The following LNPK variants were observed in gnomAD, a reference collection of about 807,000 sequenced individuals.
The protein encoded by LNPK is lunapark, ER junction formation factor.
A neutral mutation model predicts 55.2 loss-of-function variants in LNPK; 29 were observed. That is an observed-to-expected ratio of 0.53 (90% CI 0.39 to 0.72). LNPK has a LOEUF of 0.72. Ranked by LOEUF, LNPK falls within the 30% of genes least tolerant of loss-of-function variation. The pLI, the probability that LNPK is intolerant of heterozygous loss-of-function variation, is 0.00. For synonymous variants in LNPK, 162 were observed against 168.2 expected, an observed-to-expected ratio of 0.96 and a Z score of 0.29; for missense variants, 467 against 494.8, an observed-to-expected ratio of 0.94 and a Z score of 0.53.
At chr2:175,946,949 A>G (rs912927184) in intron 9 of LNPK, among the ~76,000 whole-genome samples, 1 of 152,138 alleles carries the variant, frequency 6.6e-6, no homozygotes, top group Non-Finnish European at 1.5e-5. Flanking sequence ...AATAAAGAGA[A>G]TATGTTCATT....
chr2:175,972,172 T>TAGATTACAGG, intron 5 of LNPK, among the ~76,000 whole-genome samples: 1 of 152,254 alleles, frequency 6.6e-6, no homozygotes, highest in South Asian at 2.1e-4. Flanking sequence ...TGCCTTGGCC[T>TAGATTACAGG]CCCAAAGTGC....
chr2:175,967,959 A>G (rs993862641), intron 6 of LNPK, among the ~76,000 whole-genome samples: 1 of 152,330 alleles, frequency 6.6e-6, no homozygotes, highest in Non-Finnish European at 1.5e-5. Context: ...AACTTATTTC[A>G]TGGAATATCA....
chr2:175,951,080 C>T (rs78839759), intron 8 of LNPK, among the ~76,000 whole-genome samples: 1,957 of 152,082 alleles, frequency 0.013, 39 homozygotes, highest in African/African-American at 0.044. Flanking sequence ...TACAAATACT[C>T]GTCCCTTAAT....
intron 9 of LNPK, among the ~76,000 whole-genome samples, chr2:175,943,012 T>G (rs1170848067): frequency 6.6e-6 from 1 of 150,836 alleles, no homozygotes; most frequent in South Asian, 2.1e-4. Context: ...AAAAGAATAA[T>G]TAGGGACTAT....
intron 2 of LNPK, chr2:175,994,361 T>G: frequency 1.0e-6 from 1 of 981,094 alleles, no homozygotes; most frequent in African/African-American, 1.7e-5. Flanking sequence ...GTCAATATAA[T>G]GCTGATCCAA....
At chr2:175,962,831 C>G (rs1686116594) in intron 8 of LNPK, among the ~76,000 whole-genome samples, 1 of 151,860 alleles carries the variant, frequency 6.6e-6, no homozygotes. Flanking sequence ...TATCCAGAAT[C>G]TACAATGAAC....
rs550182221 is a variant in LNPK at position 175,998,703 on chromosome 2, A to G, written c.-62-3057T>C. On this transcript the variant is annotated intron_variant, in intron 1 of 12. Coordinates refer to ENST00000272748, the MANE Select transcript of LNPK (RefSeq NM_030650.3). ...AAGCACAAGAAATAGTATTAGTACA[A>G]TGTATTGTGTAACCCAATTCCTTTA... is the stretch of plus-strand genomic sequence containing the variant. Among the ~76,000 whole-genome samples the G allele has an allele frequency of 5.9e-5, 9 of 152,314 alleles. No homozygotes were observed. The East Asian group carries it at 1.5e-3, about 26-fold the overall frequency.
At chr2:175,935,667 C>G in intron 12 of LNPK, 1 of 407,282 alleles carries the variant, frequency 2.5e-6, no homozygotes, top group Non-Finnish European at 3.3e-6. Context: ...ATGGAGTTAT[C>G]AAACCCTGCC....
intron 4 of LNPK, among the ~76,000 whole-genome samples, chr2:175,987,652 AC>A (rs1358227431): frequency 1.5e-5 from 2 of 135,302 alleles, no homozygotes; most frequent in African/African-American, 5.4e-5. Flanking sequence ...GTGCACATGT[AC>A]CCTAAAACTT....
chr2:176,000,117 A>G (rs546865353), intron 1 of LNPK, among the ~76,000 whole-genome samples: 5 of 152,286 alleles, frequency 3.3e-5, no homozygotes, highest in African/African-American at 1.2e-4. Flanking sequence ...AATGTTTTCT[A>G]CTAATGGCTA....
At chr2:175,965,401 TTAG>T (rs2105633134) in intron 6 of LNPK, among the ~76,000 whole-genome samples, 1 of 152,332 alleles carries the variant, frequency 6.6e-6, no homozygotes, top group East Asian at 1.9e-4. Context: ...AAGTTGAACT[TTAG>T]TACAAGACAG....
intron 12 of LNPK, among the ~76,000 whole-genome samples, chr2:175,933,926 T>C (rs557625738): frequency 2.1e-4 from 32 of 152,186 alleles, no homozygotes; most frequent in African/African-American, 6.5e-4. Flanking sequence ...AGAGACGAGG[T>C]CTCACAATAT....
chr2:175,998,745 TG>T (rs1228862157), intron 1 of LNPK, among the ~76,000 whole-genome samples: 1 of 152,162 alleles, frequency 6.6e-6, no homozygotes, highest in Non-Finnish European at 1.5e-5. Context: ...TACATTTGAG[TG>T]TTTAAATCTG....
intron 9 of LNPK, among the ~76,000 whole-genome samples, chr2:175,944,931 A>T (rs1005867219): frequency 6.6e-6 from 1 of 151,466 alleles, no homozygotes; most frequent in South Asian, 2.1e-4. Flanking sequence ...AATCAAGTAC[A>T]CTTTGTTTTT....
chr2:175,928,062 A>C lies in LNPK; in HGVS notation c.*1905T>G, dbSNP rs1170424804. 3 of 152,192 alleles carry C rather than the reference A, an allele frequency of 2.0e-5. No individual in the cohort carries two copies. Among genetic ancestry groups the C allele is most frequent in the Non-Finnish European group, 4.4e-5 (3 of 68,026 alleles). 9.4% of individuals were successfully genotyped at this position (152,192 alleles called of 1,614,324 possible). A position where few individuals can be genotyped will look rare whatever the true frequency, so the allele number is the denominator to read the frequency against. The stretch of plus-strand genomic sequence containing the variant: ...AGTAACATACAAAAAACCTGATGAA[A>C]TTATTTTTAAAAAGTTTATATTCCA... On this transcript the variant is annotated 3_prime_UTR_variant, in exon 13 of 13. Coordinates refer to ENST00000272748, the MANE Select transcript of LNPK (RefSeq NM_030650.3).
rs1336072038 is a variant in LNPK, at chr2:175,924,042, T to C, written c.*5925A>G. On this transcript the variant is annotated 3_prime_UTR_variant, in exon 13 of 13. Coordinates refer to ENST00000272748, the MANE Select transcript of LNPK (RefSeq NM_030650.3). ...AAAACTTTAATAATTTTGAAACAAG[T>C]CAAATTACATAACTGTAACATACAG... 6.6e-6 allele frequency: 1 copy of C among 152,176 alleles called. No homozygotes were observed. The highest frequency in any genetic ancestry group is 1.9e-4 in the East Asian group (1 of 5,198). The allele number at this position is 152,176 out of a possible 1,614,324, so 9.4% of individuals were successfully genotyped here. A position where few individuals can be genotyped will look rare whatever the true frequency, so the allele number is the denominator to read the frequency against.
rs962457137 is a variant in LNPK at position 175,947,687 on chromosome 2, G to A, written c.499C>T (p.Arg167Cys). 8 of 1,609,000 alleles carry A rather than the reference G, an allele frequency of 5.0e-6. No homozygotes were observed. The highest frequency in any genetic ancestry group is 3.4e-5 in the Admixed American group (2 of 59,690). Residue 167 changes from arginine (R) to cysteine (C), a missense_variant, in exon 9 of 13, where the codon CGT becomes TGT. Arg to Cys is a radical substitution (Grantham distance 180). Transcript: ENST00000272748. ...TTTCTTTGAGCTGCAGTTCGCTGAC[G>A]AATCTCTGAGAAGAGTAAGTACATA... ...AVTARPGQEI[R>C]QRTAAQRNLS...
chr2:176,001,133 A>C (rs772048709), intron 1 of LNPK, among the ~76,000 whole-genome samples: 1 of 152,176 alleles, frequency 6.6e-6, no homozygotes, highest in African/African-American at 2.4e-5. Flanking sequence ...ATTTAAACGC[A>C]CCACTCCTGT....
At chr2:175,975,649 T>C (rs1686875320) in intron 5 of LNPK, among the ~76,000 whole-genome samples, 2 of 152,228 alleles carry the variant, frequency 1.3e-5, no homozygotes, top group African/African-American at 4.8e-5. Context: ...TTGACTATAG[T>C]CACCCTATTG....
Sources: allele counts gnomAD v4.1 joint callset (sites outside exome capture counted in the v4.1 genomes callset), GRCh38; gene constraint gnomAD v4.1.1; transcripts MANE v1.5; gene names NCBI Gene and HGNC (gene_info 2026-07-23, HGNC 2026-07-21).